Variants in EML6 observed in about 807,000 individuals in gnomAD.
The protein encoded by EML6 is echinoderm microtubule-associated protein-like 6.
A neutral mutation model predicts 240.1 loss-of-function variants in EML6; 154 were observed. The ratio of observed to expected loss-of-function variants is 0.64; its 90% CI spans 0.56 to 0.73. The LOEUF (loss-of-function observed/expected upper bound fraction) is 0.73, where lower values mean the gene tolerates loss of function less well. Among genes scored for constraint, EML6 ranks in the 30% least tolerant of loss-of-function variants. The pLI, the probability that EML6 is intolerant of heterozygous loss-of-function variation, is 0.00. For synonymous variants in EML6, 1,148 were observed against 899.0 expected (o/e 1.28, Z -4.95); for missense variants, 2,964 against 2,474.6 (o/e 1.20, Z -4.20).
chr2:54,813,245 C>A lies in EML6; in HGVS notation c.211C>A (p.Pro71Thr). The change falls in exon 3 of 42, where the codon CCA becomes ACA. Residue 71 changes from proline to threonine, a missense_variant. Transcript: ENST00000356458. Reference protein sequence around the residue: ...NDDIISLALHPDKTLVATGQV... With the variant: ...NDDIISLALHTDKTLVATGQV... ...TTTCTCTTTCAGCCTTGCCTTACAC[C>A]CAGACAAAACTCTCGTTGCAACTGG... 3 of 1,549,338 alleles carry A rather than the reference C, an allele frequency of 1.9e-6. No individual in the cohort carries two copies. Among genetic ancestry groups the A allele is most frequent in the Non-Finnish European group, 2.6e-6 (3 of 1,145,794 alleles).
intron 17 of EML6, among the ~76,000 whole-genome samples, chr2:54,886,160 CTTTT>C (rs869107962): frequency 1.2e-5 from 1 of 82,216 alleles, no homozygotes; most frequent in Non-Finnish European, 2.4e-5. Context: ...TTTTAACCTT[CTTTT>C]TTTTTTTTTT....
In EML6 at chr2:54,847,502, G is replaced by A. The variant is rs993116829; in HGVS notation, c.1066G>A (p.Asp356Asn). 1.3e-6 allele frequency: 2 copies of A among 1,551,610 alleles called. No individual in the cohort carries two copies. Among genetic ancestry groups the A allele is most frequent in the Non-Finnish European group, 8.7e-7 (1 of 1,147,034 alleles). ...TGTGCCTAGGCTGTGGAGCCTGGCT[G>A]ATCATGCCTTGATCGCCCGCTGTAA... ...DRSVRLWSLA[D>N]HALIARCNME... Residue 356 changes from aspartate to asparagine, a missense_variant, in exon 9 of 42, where the codon GAT becomes AAT. Physicochemically the swap from Asp to Asn is conservative, Grantham distance 23. Transcript: ENST00000356458.
chr2:54,841,102 G>C (rs1043065815), intron 7 of EML6, among the ~76,000 whole-genome samples: 1 of 152,232 alleles, frequency 6.6e-6, no homozygotes, highest in Non-Finnish European at 1.5e-5. Context: ...GACAAGGAGG[G>C]GGGGCTGTGG....
At position 54,853,835 on chromosome 2, in the gene EML6, A is replaced by C; in HGVS notation, c.1637A>C (p.Lys546Thr). ...GATTTTGGACTGGTTAAATTGTTTA[A>C]ATTTCCTTGTCTCAAGAGAGGTAAG... ...GDDFGLVKLF[K>T]FPCLKRGAKF... Residue 546 changes from lysine to threonine, a missense_variant, in exon 11 of 42, where the codon AAA becomes ACA. Lys to Thr is a moderately conservative substitution (Grantham distance 78). Transcript: ENST00000356458. The C allele has an allele frequency of 6.4e-7, 1 of 1,551,196 alleles. No individual in the cohort carries two copies. The highest frequency in any genetic ancestry group is 8.7e-7 in the Non-Finnish European group (1 of 1,146,670).
chr2:54,922,394 G>C lies in EML6; in HGVS notation c.3675+5459G>C, dbSNP rs146121830. Among the ~76,000 whole-genome samples, 939 of 152,240 alleles carry C rather than the reference G, an allele frequency of 6.2e-3. 5 individuals are homozygous for C. Among genetic ancestry groups the C allele is most frequent in the Non-Finnish European group, 7.1e-3 (485 of 68,006 alleles). ...GATGTCTATTAAAAAAAGAACAAGTGTTGGTGAGGGTGTAAAGGAAGGGAA... is the reference window on the plus strand; with the variant it reads ...GATGTCTATTAAAAAAAGAACAAGTCTTGGTGAGGGTGTAAAGGAAGGGAA... On this transcript the variant is annotated intron_variant, in intron 26 of 41. Transcript: ENST00000356458.
intron 2 of EML6, among the ~76,000 whole-genome samples, chr2:54,807,211 C>A (rs1026937135): frequency 1.3e-5 from 2 of 151,920 alleles, no homozygotes; most frequent in Non-Finnish European, 2.9e-5. Context: ...TTCTTGATTA[C>A]CATCTGGTTC....
intron 11 of EML6, among the ~76,000 whole-genome samples, chr2:54,858,256 C>T (rs996497653): frequency 2.0e-5 from 3 of 152,336 alleles, no homozygotes; most frequent in Non-Finnish European, 4.4e-5. Context: ...CCAAGAAAGA[C>T]AGCAAGGCAG....
chr2:54,820,367 C>T (rs1024687133), intron 4 of EML6, 27 bp from the exon 5 acceptor site: 1 of 1,496,446 alleles, frequency 6.7e-7, no homozygotes, highest in Non-Finnish European at 9.1e-7. Flanking sequence ...AAATGATCAA[C>T]ATGGCAACTT....
intron 2 of EML6, among the ~76,000 whole-genome samples, chr2:54,732,879 T>C (rs925241423): frequency 2.6e-5 from 4 of 152,180 alleles, no homozygotes; most frequent in African/African-American, 9.7e-5. Context: ...CTCCCAAAGG[T>C]TTTTGCTTTT....
chr2:54,873,576 A>G (rs1671364030), intron 16 of EML6, among the ~76,000 whole-genome samples: 1 of 151,354 alleles, frequency 6.6e-6, no homozygotes, highest in African/African-American at 2.4e-5. Context: ...TTGTATTTCA[A>G]AGATGTGGAT....
chr2:54,825,780 C>T (rs1668559891), intron 5 of EML6, among the ~76,000 whole-genome samples: 1 of 152,154 alleles, frequency 6.6e-6, no homozygotes, highest in Non-Finnish European at 1.5e-5. Context: ...GAATCCTGGC[C>T]ACCTTGGGGG....
At chr2:54,837,318 C>G (rs1669204130) in intron 7 of EML6, among the ~76,000 whole-genome samples, 1 of 152,178 alleles carries the variant, frequency 6.6e-6, no homozygotes. Flanking sequence ...CTATTGCTAG[C>G]TTGCTCTGTG....
chr2:54,949,016 G>C, intron 29 of EML6, 56 bp downstream of exon 29: 1 of 1,291,802 alleles, frequency 7.7e-7, no homozygotes, highest in South Asian at 1.3e-5. Flanking sequence ...ATACCTGGTA[G>C]ACATCCCCAT....
chr2:54,819,930 T>C (rs994880907), intron 4 of EML6, among the ~76,000 whole-genome samples: 6 of 152,194 alleles, frequency 3.9e-5, no homozygotes, highest in Non-Finnish European at 8.8e-5. Flanking sequence ...CGTTTAGGAA[T>C]ATTAACTTCT....
chr2:54,734,067 G>A (rs1235365074), intron 2 of EML6, among the ~76,000 whole-genome samples: 3 of 152,152 alleles, frequency 2.0e-5, no homozygotes, highest in Non-Finnish European at 2.9e-5. Flanking sequence ...GGCCAGGCAC[G>A]GTGGCTCACT....
chr2:54,844,398 G>C (rs145125468), intron 8 of EML6, 150 bp downstream of exon 8: 2 of 637,638 alleles, frequency 3.1e-6, no homozygotes, highest in Admixed American at 2.8e-5. Flanking sequence ...GTGGGTTTTT[G>C]GCATTTTGCT....
At chr2:54,816,591 T>G (rs1036356067) in intron 3 of EML6, among the ~76,000 whole-genome samples, 196 bp from the exon 4 acceptor site, 5 of 152,228 alleles carry the variant, frequency 3.3e-5, no homozygotes, top group African/African-American at 9.6e-5. Context: ...TCTTAGGTTC[T>G]TGAAATTTCA....
rs115132941 is a variant in EML6 at position 54,950,688 on chromosome 2, C to T, written c.4122C>T (p.Phe1374=). The T allele has an allele frequency of 3.6e-4, 564 of 1,551,596 alleles. 2 individuals carry two copies. The African/African-American group carries it at 6.2e-3, about 17-fold the overall frequency. Residue 1374 remains phenylalanine (F), a synonymous_variant, in exon 30 of 42, where the codon TTC becomes TTT. Transcript: ENST00000356458. The part of the protein sequence containing the change: ...ALDHVFGYRG[F]DCRNNLHYLN... Reference sequence around the variant, plus strand: ...ACCACGTGTTTGGCTACAGAGGTTTCGACTGTCGAAATAACCTGCATTACC... The same window carrying T: ...ACCACGTGTTTGGCTACAGAGGTTTTGACTGTCGAAATAACCTGCATTACC...
intron 25 of EML6, among the ~76,000 whole-genome samples, chr2:54,915,748 C>CA (rs1673875481): frequency 6.6e-6 from 1 of 151,966 alleles, no homozygotes; most frequent in Non-Finnish European, 1.5e-5. Context: ...AGAAATTAGG[C>CA]AGGGTACATT....
Sources: gnomAD v4.1 joint callset for allele counts (sites outside exome capture counted in the v4.1 genomes callset) on GRCh38, gnomAD v4.1.1 for gene constraint, MANE v1.5 for transcripts, NCBI Gene and HGNC (gene_info 2026-07-23, HGNC 2026-07-21) for gene names.